PKNOX1: variants seen among roughly 807,000 people sequenced by gnomAD.
The protein encoded by PKNOX1 is homeobox protein PKNOX1.
In PKNOX1, 15 loss-of-function variants were observed where a neutral mutation model predicts 51.9. That is an observed-to-expected ratio of 0.29 (90% confidence interval 0.19 to 0.45). PKNOX1 has a LOEUF of 0.45. Ranked by LOEUF, PKNOX1 falls within the 20% of genes least tolerant of loss-of-function variation. The pLI, the probability that PKNOX1 is intolerant of heterozygous loss-of-function variation, is 1.00. For synonymous variants in PKNOX1, 219 were observed against 211.1 expected (o/e 1.04, Z -0.32); for missense variants, 462 against 547.5 (o/e 0.84, Z 1.56).
At chr21:43,016,098 G>C (rs150898135) in intron 5 of PKNOX1, among the ~76,000 whole-genome samples, 3 of 152,320 alleles carry the variant, frequency 2.0e-5, no homozygotes, top group Non-Finnish European at 4.4e-5. Context: ...TCCGCTCGAT[G>C]ATGGCCCACA....
At chr21:43,017,957 T>C (rs374710012) in intron 6 of PKNOX1, 176 bp from the exon 7 acceptor site, 20 of 554,290 alleles carry the variant, frequency 3.6e-5, no homozygotes, top group South Asian at 1.8e-4. Context: ...CATCTGTAAT[T>C]CCAGCACTTT....
At chr21:42,985,720 C>T (rs1478057397) in intron 1 of PKNOX1, among the ~76,000 whole-genome samples, 2 of 150,120 alleles carry the variant, frequency 1.3e-5, no homozygotes, top group East Asian at 2.0e-4. Context: ...AATTGCAGGC[C>T]GGGCGTGGTG....
chr21:42,985,072 C>T (rs368338065), intron 1 of PKNOX1, among the ~76,000 whole-genome samples: 1 of 130,664 alleles, frequency 7.7e-6, no homozygotes, highest in Admixed American at 9.3e-5. Flanking sequence ...ACTGCAACCT[C>T]TGTCTCCCGG....
chr21:42,993,127 C>T (rs1031265612), intron 1 of PKNOX1, among the ~76,000 whole-genome samples: 17 of 152,170 alleles, frequency 1.1e-4, no homozygotes, highest in Admixed American at 9.8e-4. Context: ...ACTAGGTCAG[C>T]CTGGATTGCA....
chr21:42,995,532 G>A (rs234752), intron 1 of PKNOX1, among the ~76,000 whole-genome samples: 54,249 of 151,846 alleles, frequency 0.36, 9,995 homozygotes, highest in African/African-American at 0.41. Context: ...GCAAAAATTA[G>A]CCAGGTATGG....
In PKNOX1 at chr21:43,032,058, C is replaced by T. The variant is rs1980295680; in HGVS notation, c.*1957C>T. On this transcript the variant is annotated 3_prime_UTR_variant, in exon 11 of 11. Transcript: ENST00000291547. ...GTATTTTTAGTAGAGATGGGTTTCT[C>T]CATGTTGGTCGGGCTGGTCTCGAAC... The T allele has an allele frequency of 4.8e-6, 2 of 414,040 alleles. No individual in the cohort carries two copies. Among genetic ancestry groups the T allele is most frequent in the African/African-American group, 2.1e-5 (1 of 48,088 alleles). The allele number at this position is 414,040 out of a possible 1,614,324, so 25.6% of individuals were successfully genotyped here. A position where few individuals can be genotyped will look rare whatever the true frequency, so the allele number is the denominator to read the frequency against.
chr21:42,992,161 C>T (rs2059091176), intron 1 of PKNOX1, among the ~76,000 whole-genome samples: 2 of 152,182 alleles, frequency 1.3e-5, no homozygotes, highest in Non-Finnish European at 2.9e-5. Context: ...TTGAATAATG[C>T]CGTAATTCAT....
chr21:42,991,453 G>T (rs1031360806), intron 1 of PKNOX1, among the ~76,000 whole-genome samples: 2 of 152,122 alleles, frequency 1.3e-5, no homozygotes, highest in Admixed American at 6.5e-5. Context: ...TTGGCCAGGC[G>T]TGGTGGCTCA....
At chr21:42,977,031 T>C (rs1178826248) in intron 1 of PKNOX1, among the ~76,000 whole-genome samples, 2 of 152,224 alleles carry the variant, frequency 1.3e-5, no homozygotes, top group African/African-American at 4.8e-5. Context: ...TGTGTACATC[T>C]CCATCAGAGC....
intron 2 of PKNOX1, among the ~76,000 whole-genome samples, chr21:43,006,846 T>G (rs1361148800): frequency 6.6e-6 from 1 of 152,236 alleles, no homozygotes; most frequent in African/African-American, 2.4e-5. Context: ...CATGGATAAC[T>G]AGAAGTTTAC....
At chr21:42,980,626 G>T (rs575674991) in intron 1 of PKNOX1, among the ~76,000 whole-genome samples, 1 of 152,280 alleles carries the variant, frequency 6.6e-6, no homozygotes, top group South Asian at 2.1e-4. Context: ...GAAATAAATA[G>T]ATGAAGAAGA....
chr21:42,975,990 C>T (rs1043709639), intron 1 of PKNOX1, among the ~76,000 whole-genome samples: 2 of 152,178 alleles, frequency 1.3e-5, no homozygotes, highest in African/African-American at 4.8e-5. Context: ...GATGCTCTTG[C>T]ATTTAGTCAT....
chr21:43,004,045 C>T (rs234771), intron 1 of PKNOX1: 160,765 of 180,404 alleles, frequency 0.89, 71,872 homozygotes, highest in Non-Finnish European at 0.91. Context: ...CGAGACCAGC[C>T]TGACCAACAT....
intron 9 of PKNOX1, 104 bp downstream of exon 9, chr21:43,025,051 CT>C: frequency 1.4e-6 from 1 of 738,154 alleles, no homozygotes; most frequent in South Asian, 1.7e-5. Flanking sequence ...GGAGGTCTCT[CT>C]TTTTCTTTTT....
Position 43,010,149 on chromosome 21 carries a change from C to T in PKNOX1, c.276C>T (p.Asp92=), listed in dbSNP as rs771505951. 1.9e-6 allele frequency: 3 copies of T among 1,605,524 alleles called. No homozygotes were observed. The highest frequency in any genetic ancestry group is 2.6e-6 in the Non-Finnish European group (3 of 1,174,816). The part of the protein sequence containing the change: ...EGTTSASFDV[D]IENFVRKQEK... ...CAACTTCTGCCAGTTTTGATGTAGA[C>T]ATCGAAAATTTTGTAAGAAAGCAAG... Residue 92 remains aspartate, a synonymous_variant, in exon 4 of 11, where the codon GAC becomes GAT. Transcript: ENST00000291547.
chr21:43,013,705 C>A (rs935346223), intron 5 of PKNOX1, among the ~76,000 whole-genome samples: 1 of 152,104 alleles, frequency 6.6e-6, no homozygotes, highest in African/African-American at 2.4e-5. Flanking sequence ...TCCGGATTCC[C>A]CCTCCCCTAG....
In PKNOX1 at chr21:43,029,971, C is replaced by T. The variant is rs774818736; in HGVS notation, c.1181C>T (p.Ala394Val). The change falls in exon 11 of 11, where the codon GCG (alanine) becomes GTG (valine). Residue 394 changes from alanine (A) to valine (V), a missense_variant. Physicochemically the swap from Ala to Val is moderately conservative, Grantham distance 64 (BLOSUM62 0). This residue lies in a region of PKNOX1 where 118 missense variants were observed against 116.8 expected (regional missense o/e 1.01). Coordinates refer to ENST00000291547, the MANE Select transcript of PKNOX1 (RefSeq NM_004571.5). ...QSLSSDGATLAVQQVMMAGQS... is the reference protein window; with the variant it reads ...QSLSSDGATLVVQQVMMAGQS... ...CTGTCCTCGGACGGGGCCACCCTGG[C>T]GGTGCAGCAGGTCATGATGGCAGGG... is the stretch of plus-strand genomic sequence containing the variant. 7.4e-6 allele frequency: 12 copies of T among 1,613,966 alleles called. No homozygotes were observed. The highest frequency in any genetic ancestry group is 2.7e-5 in the African/African-American group (2 of 74,936).
intron 1 of PKNOX1, among the ~76,000 whole-genome samples, chr21:42,993,625 C>T (rs1978338414): frequency 7.0e-6 from 1 of 142,144 alleles, no homozygotes; most frequent in Non-Finnish European, 1.5e-5. Context: ...GCCTGTGGGT[C>T]TGTTCCTGTA....
intron 1 of PKNOX1, among the ~76,000 whole-genome samples, chr21:42,986,805 G>C (rs138380680): frequency 1.2e-3 from 186 of 152,302 alleles, no homozygotes; most frequent in Admixed American, 4.0e-3. Flanking sequence ...GTTGTCTTCA[G>C]TCGTTTTCTG....
Sources: gnomAD v4.1 joint callset for allele counts (sites outside exome capture counted in the v4.1 genomes callset) on GRCh38, gnomAD v4.1.1 for gene constraint, gnomAD v4.1.1 regional missense constraint, MANE v1.5 for transcripts, NCBI Gene and HGNC (gene_info 2026-07-23, HGNC 2026-07-21) for gene names.